The following SCN1A variants were observed in gnomAD, a reference collection of about 807,000 sequenced individuals.
The protein encoded by SCN1A is sodium channel protein type 1 subunit alpha.
A neutral mutation model predicts 193.7 loss-of-function variants in SCN1A; 13 were observed. The ratio of observed to expected loss-of-function variants is 0.07; its 90% CI spans 0.04 to 0.11. The LOEUF (loss-of-function observed/expected upper bound fraction) is 0.11. SCN1A is among the 10% of genes least tolerant of loss of function. The probability of loss-of-function intolerance (pLI) is 1.00; values close to 1 mark genes in which losing one functional copy is unlikely to be tolerated. For synonymous variants in SCN1A, 781 were observed against 843.6 expected (o/e 0.93, Z 1.29); for missense variants, 1,432 against 2,451.1 (o/e 0.58, Z 8.78).
chr2:166,065,618 T>A (rs551263544), intron 4 of SCN1A, among the ~76,000 whole-genome samples: 60 of 152,200 alleles, frequency 3.9e-4, no homozygotes, highest in African/African-American at 1.4e-3. Flanking sequence ...CATCTCCTAG[T>A]CTCATTCAAT....
In SCN1A at chr2:165,987,001, A is replaced by T. The variant is rs1020763230; in HGVS notation, c.*4244T>A. On this transcript the variant is annotated 3_prime_UTR_variant, in exon 29 of 29. Transcript: ENST00000674923. ...ATATTCAAATTTATTCAACTTTCCC[A>T]ATAATATTATTTATCTGTTATTTTT... The T allele has an allele frequency of 6.6e-6, 1 of 152,090 alleles. No homozygotes were observed. Among genetic ancestry groups the T allele is most frequent in the Non-Finnish European group, 1.5e-5 (1 of 67,988 alleles). 9.4% of individuals were successfully genotyped at this position (152,090 alleles called of 1,614,324 possible).
chr2:166,070,665 C>A (rs1006716164), intron 4 of SCN1A, among the ~76,000 whole-genome samples: 1 of 152,038 alleles, frequency 6.6e-6, no homozygotes, highest in Non-Finnish European at 1.5e-5. Flanking sequence ...GTCTTTATAT[C>A]CTTTGCTATA....
At chr2:166,042,607 T>C (rs1379676340) in intron 14 of SCN1A, among the ~76,000 whole-genome samples, 183 bp from the exon 15 acceptor site, 1 of 152,208 alleles carries the variant, frequency 6.6e-6, no homozygotes, top group Non-Finnish European at 1.5e-5. Flanking sequence ...CTGTTAACCA[T>C]TTAGTCATAC....
chr2:165,996,207 G>C, intron 26 of SCN1A, 90 bp from the exon 27 acceptor site: 1 of 799,404 alleles, frequency 1.3e-6, no homozygotes, highest in Non-Finnish European at 2.1e-6. Flanking sequence ...GCTAAAAAAA[G>C]AAATACAAAA....
chr2:166,019,782 T>G (rs998705405), intron 19 of SCN1A, among the ~76,000 whole-genome samples: 2 of 152,170 alleles, frequency 1.3e-5, no homozygotes, highest in Non-Finnish European at 2.9e-5. Context: ...GGTGAATGAA[T>G]GAATAGATGA....
rs1553519769 is a variant in SCN1A, at chr2:165,991,406, C to G, written c.5869G>C (p.Glu1957Gln). ...IKGGANLLIKEDMIIDRINEN... is the reference protein window; with the variant it reads ...IKGGANLLIKQDMIIDRINEN... ...TTTATTCTGTCAATTATCATGTCTT[C>G]TTTTATAAGAAGATTAGCCCCACCT... is the stretch of plus-strand genomic sequence containing the variant. Residue 1957 changes from glutamate (E) to glutamine (Q), a missense_variant, in exon 29 of 29, where the codon GAA (glutamate) becomes CAA (glutamine). This residue lies in a region of SCN1A where 148 missense variants were observed against 160.3 expected (regional missense o/e 0.92). Coordinates refer to ENST00000674923, the MANE Select transcript of SCN1A (RefSeq NM_001165963.4). 1 of 1,613,628 alleles carries G rather than the reference C, an allele frequency of 6.2e-7. No individual in the cohort carries two copies. Among genetic ancestry groups the G allele is most frequent in the African/African-American group, 1.3e-5 (1 of 74,862 alleles).
chr2:166,059,416 A>G (rs1683048446), intron 4 of SCN1A: 1 of 152,310 alleles, frequency 6.6e-6, no homozygotes, highest in African/African-American at 2.4e-5. Context: ...AGAAGCTCCA[A>G]GCTCCTGAAG....
chr2:166,081,247 T>C (rs759120600), intron 2 of SCN1A, among the ~76,000 whole-genome samples: 3 of 151,984 alleles, frequency 2.0e-5, no homozygotes, highest in Non-Finnish European at 2.9e-5. Context: ...CATCTGCTTT[T>C]CTCCAGTCAA....
At chr2:166,076,801 T>A (rs1685028236) in intron 3 of SCN1A, among the ~76,000 whole-genome samples, 1 of 150,388 alleles carries the variant, frequency 6.6e-6, no homozygotes, top group Admixed American at 6.7e-5. Context: ...GATAGTCTTT[T>A]CAACATGTAT....
intron 2 of SCN1A, among the ~76,000 whole-genome samples, chr2:166,124,375 C>G (rs1237943608): frequency 1.3e-5 from 2 of 151,870 alleles, no homozygotes; most frequent in African/African-American, 4.8e-5. Context: ...ATAGTGAAAC[C>G]CCATCTCTAC....
At chr2:166,035,413 A>T (rs1299002996) in intron 19 of SCN1A, among the ~76,000 whole-genome samples, 3 of 152,272 alleles carry the variant, frequency 2.0e-5, no homozygotes, top group East Asian at 3.9e-4. Context: ...TCCGAGTTAA[A>T]TCTTTTGTTC....
intron 19 of SCN1A, among the ~76,000 whole-genome samples, chr2:166,026,700 T>C (rs1356617616): frequency 1.4e-5 from 2 of 141,176 alleles, no homozygotes; most frequent in Non-Finnish European, 3.1e-5. Flanking sequence ...TTTTTTTTTT[T>C]TGAGACTGAG....
Position 166,046,681 on chromosome 2 carries a change from C to T in SCN1A, c.1377+89G>A, listed in dbSNP as rs1466072455. The T allele has an allele frequency of 1.2e-5, 15 of 1,234,246 alleles. No homozygotes were observed. The South Asian group carries it at 1.6e-4, about 13-fold the overall frequency. The allele number at this position is 1,234,246 out of a possible 1,614,324, so 76.5% of individuals were successfully genotyped here. A position where few individuals can be genotyped will look rare whatever the true frequency, so the allele number is the denominator to read the frequency against. On this transcript the variant is annotated intron_variant, in intron 12 of 28. Transcript: ENST00000674923. The stretch of plus-strand genomic sequence containing the variant: ...AATCATTATTAATTCCTCATACAAC[C>T]ACCTGCTCTTAGGTACTCACTTTCT...
intron 2 of SCN1A, among the ~76,000 whole-genome samples, chr2:166,083,414 G>A (rs1188035703): frequency 6.6e-6 from 1 of 151,954 alleles, no homozygotes; most frequent in African/African-American, 2.4e-5. Flanking sequence ...TACTCCAGGG[G>A]TGTTTTTCAA....
In SCN1A at chr2:166,012,290, G is replaced by GA. The variant is rs1692588027; in HGVS notation, c.3706-9dup. On this transcript the variant is annotated splice_polypyrimidine_tract_variant and intron_variant, in intron 21 of 28. Coordinates refer to ENST00000674923, the MANE Select transcript of SCN1A (RefSeq NM_001165963.4). ...ATATATATCTTCAAATGCCTATAAA[G>GA]AAAATGTTACACATTATTAGCTTTC... 1 of 1,598,724 alleles carries GA rather than the reference G, an allele frequency of 6.3e-7. No homozygotes were observed. Among genetic ancestry groups the GA allele is most frequent in the Non-Finnish European group, 8.6e-7 (1 of 1,168,494 alleles).
chr2:166,059,674 G>A lies in SCN1A; in HGVS notation c.265-986C>T, dbSNP rs546449292. On this transcript the variant is annotated intron_variant, in intron 4 of 28. Coordinates refer to ENST00000674923, the MANE Select transcript of SCN1A (RefSeq NM_001165963.4). ...TTGATTTTAAATTCACCCATTCTTC[G>A]AAAGCTTTCTTTTCTAAGCCTTAGG... 4.6e-5 allele frequency: 7 copies of A among 152,168 alleles called. No homozygotes were observed. The South Asian group carries it at 6.2e-4, about 14-fold the overall frequency. The allele number at this position is 152,168 out of a possible 1,614,324, so 9.4% of individuals were successfully genotyped here. A position where few individuals can be genotyped will look rare whatever the true frequency, so the allele number is the denominator to read the frequency against.
chr2:165,995,414 AT>A (rs1689889304), intron 27 of SCN1A, among the ~76,000 whole-genome samples: 1 of 151,764 alleles, frequency 6.6e-6, no homozygotes, highest in African/African-American at 2.4e-5. Context: ...TTATTTCATC[AT>A]GGAAGCATGA....
At chr2:166,081,706 TAATGTCCTTAAATTCTATGTTG>T (rs1483796732) in intron 2 of SCN1A, 10 of 151,864 alleles carry the variant, frequency 6.6e-5, no homozygotes, top group Admixed American at 2.0e-4. Context: ...TTTGGTTCAA[TAATGTCCTTAAATTCTATGTTG>T]TTTTTAAAGC....
intron 2 of SCN1A, among the ~76,000 whole-genome samples, chr2:166,079,270 C>A (rs964547773): frequency 6.6e-6 from 1 of 150,778 alleles, no homozygotes. Flanking sequence ...AATTCCAATG[C>A]GGTATTGTTT....
Sources: gnomAD v4.1 joint callset for allele counts (sites outside exome capture counted in the v4.1 genomes callset) on GRCh38, gnomAD v4.1.1 for gene constraint, gnomAD v4.1.1 regional missense constraint, MANE v1.5 for transcripts, NCBI Gene and HGNC (gene_info 2026-07-23, HGNC 2026-07-21) for gene names.